Variants in CRACR2A observed in about 807,000 individuals in gnomAD.
CRACR2A encodes the protein EF-hand calcium-binding domain-containing protein 4B.
CRACR2A carries 79 observed loss-of-function variants against 90.5 expected under a neutral mutation model. The ratio of observed to expected loss-of-function variants is 0.87; its 90% confidence interval spans 0.73 to 1.05. The LOEUF (loss-of-function observed/expected upper bound fraction) is 1.05. Ranked by LOEUF, CRACR2A falls within the 50% of genes least tolerant of loss-of-function variation. The pLI is 0.00. For synonymous variants in CRACR2A, 338 were observed against 356.7 expected (o/e 0.95, Z 0.59); for missense variants, 823 against 897.2 (o/e 0.92, Z 1.06).
chr12:3,707,119 A>T (rs1040960663), intron 3 of CRACR2A, among the ~76,000 whole-genome samples: 17 of 152,116 alleles, frequency 1.1e-4, no homozygotes, highest in African/African-American at 3.9e-4. Flanking sequence ...GAAGGTGAAT[A>T]TGCCCCACCA....
chr12:3,631,128 G>C (rs774487562), intron 15 of CRACR2A, among the ~76,000 whole-genome samples: 4 of 152,212 alleles, frequency 2.6e-5, no homozygotes, highest in Non-Finnish European at 5.9e-5. Flanking sequence ...TCCCAGAGCA[G>C]GGCCTGCAGT....
chr12:3,750,400 C>G lies in CRACR2A; in HGVS notation c.-387+2615G>C, dbSNP rs141803143. ...ATGATTTCGCAAAGACTCAGTTTCTCCATCCGTAAAATAGGGCAGACTTGT... is the reference window on the plus strand; with the variant it reads ...ATGATTTCGCAAAGACTCAGTTTCTGCATCCGTAAAATAGGGCAGACTTGT... On this transcript the variant is annotated intron_variant, in intron 1 of 19. Transcript: ENST00000440314. Among the ~76,000 whole-genome samples, 110 of 152,308 alleles carry G rather than the reference C, an allele frequency of 7.2e-4. No homozygotes were observed. The Middle Eastern group carries it at 0.01, about 14-fold the overall frequency.
At chr12:3,685,157 T>C (rs986494161) in intron 4 of CRACR2A, among the ~76,000 whole-genome samples, 7 of 152,182 alleles carry the variant, frequency 4.6e-5, no homozygotes, top group African/African-American at 7.2e-5. Context: ...GGAGGCAAAA[T>C]TGCCGCCACT....
intron 17 of CRACR2A, among the ~76,000 whole-genome samples, chr12:3,622,401 C>T (rs1394923904): frequency 6.6e-6 from 1 of 152,210 alleles, no homozygotes; most frequent in Admixed American, 6.5e-5. Flanking sequence ...CTCTCTGTTC[C>T]AAAGCCAGGT....
chr12:3,641,890 G>A, intron 12 of CRACR2A, 52 bp from the exon 13 acceptor site: 1 of 1,477,608 alleles, frequency 6.8e-7, no homozygotes. Context: ...TCCGATGTTT[G>A]AACAGAAAAG....
chr12:3,671,963 A>C (rs192210249), intron 7 of CRACR2A, among the ~76,000 whole-genome samples: 3 of 152,340 alleles, frequency 2.0e-5, no homozygotes, highest in Non-Finnish European at 2.9e-5. Flanking sequence ...CTCAAGAATC[A>C]AATTCAGTTC....
At chr12:3,677,791 G>A (rs2137600649) in intron 6 of CRACR2A, among the ~76,000 whole-genome samples, 1 of 152,282 alleles carries the variant, frequency 6.6e-6, no homozygotes, top group African/African-American at 2.4e-5. Context: ...ACTGCTGCTG[G>A]TCTTGAGTTC....
chr12:3,638,087 A>AG, intron 14 of CRACR2A, 37 bp downstream of exon 14: 2 of 1,499,968 alleles, frequency 1.3e-6, no homozygotes, highest in South Asian at 2.6e-5. Flanking sequence ...AGATCATAGA[A>AG]GTGATGTGCA....
intron 6 of CRACR2A, among the ~76,000 whole-genome samples, chr12:3,675,981 C>A (rs1205561520): frequency 6.6e-6 from 1 of 152,130 alleles, no homozygotes; most frequent in Non-Finnish European, 1.5e-5. Context: ...ATAGGCCCAC[C>A]TCTGATCAGT....
intron 6 of CRACR2A, among the ~76,000 whole-genome samples, chr12:3,677,200 C>T (rs1032213360): frequency 1.7e-4 from 26 of 152,182 alleles, no homozygotes; most frequent in African/African-American, 6.0e-4. Context: ...GAACAACACA[C>T]AAATCATTTT....
chr12:3,709,692 G>A (rs564633141), intron 3 of CRACR2A, among the ~76,000 whole-genome samples: 4 of 152,350 alleles, frequency 2.6e-5, no homozygotes, highest in South Asian at 4.1e-4. Context: ...CAGGAGAATC[G>A]CTTGAACCCG....
chr12:3,643,886 T>TA (rs201433368), intron 12 of CRACR2A, among the ~76,000 whole-genome samples: 1 of 43,978 alleles, frequency 2.3e-5, no homozygotes, highest in Non-Finnish European at 4.1e-5. Flanking sequence ...ATATTTATAT[T>TA]AATATATAAT....
intron 19 of CRACR2A, among the ~76,000 whole-genome samples, chr12:3,616,465 C>T (rs1251284666): frequency 6.6e-6 from 1 of 152,198 alleles, no homozygotes; most frequent in Non-Finnish European, 1.5e-5. Flanking sequence ...AGCACCATTA[C>T]CTTGGTTACC....
intron 7 of CRACR2A, among the ~76,000 whole-genome samples, chr12:3,660,829 AACACACACACACACACACACACAC>A (rs58293233): frequency 3.3e-4 from 40 of 119,712 alleles, no homozygotes; most frequent in South Asian, 3.3e-4. Context: ...CTGAACATGC[AACACACACACACACACACACACAC>A]ACACACACAC....
At chr12:3,660,782 C>T (rs138046526) in intron 7 of CRACR2A, among the ~76,000 whole-genome samples, 35 of 151,254 alleles carry the variant, frequency 2.3e-4, no homozygotes, top group Admixed American at 9.2e-4. Context: ...AAACTTCAGG[C>T]TCTGTGAACA....
chr12:3,638,232 T>C lies in CRACR2A; in HGVS notation c.1494A>G (p.Glu498=). 1.3e-6 allele frequency: 2 copies of C among 1,551,724 alleles called. No individual in the cohort carries two copies. Among genetic ancestry groups the C allele is most frequent in the Non-Finnish European group, 8.7e-7 (1 of 1,146,984 alleles). The change falls in exon 14 of 20, where the codon GAA becomes GAG. Residue 498 remains glutamate, a synonymous_variant. Transcript: ENST00000440314. The part of the protein sequence containing the change: ...EQPLSKCSEE[E]EVSDQGVQGQ... ...CCTGTACCCCCTGGTCAGAGACCTC[T>C]TCCTCTTCTGAGCATTTGCTCAGGG...
At chr12:3,701,690 C>T (rs1344044496) in intron 3 of CRACR2A, among the ~76,000 whole-genome samples, 1 of 152,044 alleles carries the variant, frequency 6.6e-6, no homozygotes, top group Non-Finnish European at 1.5e-5. Flanking sequence ...AAAATCTTCC[C>T]ACAAGAAAAC....
intron 3 of CRACR2A, among the ~76,000 whole-genome samples, chr12:3,698,376 T>C (rs1945778238): frequency 6.6e-6 from 1 of 152,160 alleles, no homozygotes. Context: ...ACCAGGCAGG[T>C]TTCTCTGATT....
chr12:3,660,080 T>C (rs999333987), intron 7 of CRACR2A, among the ~76,000 whole-genome samples: 7 of 152,244 alleles, frequency 4.6e-5, no homozygotes, highest in Non-Finnish European at 8.8e-5. Context: ...TGTGGGTTTC[T>C]TTCCTGTTCC....
Sources: allele counts gnomAD v4.1 joint callset (sites outside exome capture counted in the v4.1 genomes callset), GRCh38; gene constraint gnomAD v4.1.1; transcripts MANE v1.5; gene names NCBI Gene and HGNC (gene_info 2026-07-23, HGNC 2026-07-21).